Variants in HECTD4 observed in about 807,000 individuals in gnomAD.
The protein encoded by HECTD4 is probable E3 ubiquitin-protein ligase HECTD4.
A neutral mutation model predicts 471.5 loss-of-function variants in HECTD4; 114 were observed. The ratio of observed to expected loss-of-function variants is 0.24; its 90% CI spans 0.21 to 0.28. The LOEUF (loss-of-function observed/expected upper bound fraction) is 0.28, where lower values mean the gene tolerates loss of function less well. HECTD4 is among the 10% of genes least tolerant of loss of function. HECTD4 has a pLI of 1.00. For missense variants in HECTD4, 3,866 were observed against 5,651.5 expected (o/e 0.68, Z 10.13); for synonymous variants, 2,012 against 2,256.0 (o/e 0.89, Z 3.07).
At chr12:112,272,241 G>C (rs1433189646) in intron 11 of HECTD4, among the ~76,000 whole-genome samples, 1 of 152,078 alleles carries the variant, frequency 6.6e-6, no homozygotes, top group African/African-American at 2.4e-5. Context: ...GTAGAGATGG[G>C]GTTTCCCCGT....
chr12:112,236,874 A>C, intron 35 of HECTD4, 71 bp downstream of exon 35: 2 of 1,379,242 alleles, frequency 1.5e-6, no homozygotes, highest in Non-Finnish European at 1.9e-6. Flanking sequence ...GACAACCACC[A>C]CCAAAAGAAA....
chr12:112,193,704 A>G lies in HECTD4; in HGVS notation c.8750-30T>C. 1 of 1,582,412 alleles carries G rather than the reference A, an allele frequency of 6.3e-7. No individual in the cohort carries two copies. Among genetic ancestry groups the G allele is most frequent in the Non-Finnish European group, 8.6e-7 (1 of 1,161,586 alleles). On this transcript the variant is annotated intron_variant, in intron 56 of 75. Coordinates refer to ENST00000682272, the MANE Select transcript of HECTD4 (RefSeq NM_001388303.1). This position sits in a 1 kb window ranked among gnomAD's most constrained non-coding sequence, Gnocchi z 5.2. ...GGACGGAAAGGAAACAGAAGTTGAC[A>G]AGAATCAAAGCAGCCAGTAGCTGTG... is the stretch of plus-strand genomic sequence containing the variant.
In HECTD4 at chr12:112,274,930, G is replaced by A. The variant is rs942181545; in HGVS notation, c.1718C>T (p.Ser573Leu). 5.2e-6 allele frequency: 8 copies of A among 1,549,654 alleles called. No individual in the cohort carries two copies. Among genetic ancestry groups the A allele is most frequent in the African/African-American group, 4.1e-5 (3 of 73,008 alleles). ...TGCACGACTTGTAAACTGACCATCC[G>A]AAATATTATACACCAAGCTGGAGGC... ...ILASSLVYNI[S>L]DGQFTSRADL... Residue 573 changes from serine to leucine, a missense_variant, in exon 10 of 76, where the codon TCG (serine) becomes TTG (leucine). Ser to Leu is a moderately radical substitution (Grantham distance 145). This residue lies in a region of HECTD4 where 525 missense variants were observed against 672.6 expected (regional missense o/e 0.78). Transcript: ENST00000682272.
rs2036888033 is a variant in HECTD4, at chr12:112,381,511, G to A, written c.177+441C>T. Among the ~76,000 whole-genome samples the A allele has an allele frequency of 6.6e-6, 1 of 152,166 alleles. No individual in the cohort carries two copies. The highest frequency in any genetic ancestry group is 2.1e-4 in the South Asian group (1 of 4,834). On this transcript the variant is annotated intron_variant, in intron 1 of 75. Coordinates refer to ENST00000682272, the MANE Select transcript of HECTD4 (RefSeq NM_001388303.1). The surrounding 1 kb of genome is among the most constrained non-coding windows in gnomAD (Gnocchi z 4.1). ...ACCAAACAAAAAAAACAGAACTAGG[G>A]AAGAAAAGGATGGGAGGGTACACAG... is the stretch of plus-strand genomic sequence containing the variant.
intron 27 of HECTD4, 52 bp from the exon 28 acceptor site, chr12:112,247,602 T>A: frequency 1.2e-6 from 1 of 804,708 alleles, no homozygotes; most frequent in East Asian, 3.0e-5. Flanking sequence ...AGTTTTACTA[T>A]ACATATATTA....
chr12:112,319,700 G>A lies in HECTD4; in HGVS notation c.220C>T (p.Arg74Cys). Reference protein sequence around the residue: ...ETKNPSELAERLRSVCGNQSN... With the variant: ...ETKNPSELAECLRSVCGNQSN... Reference sequence around the variant, plus strand: ...TGATTCCCACAAACAGAGCGCAAACGTTCTGCTAATTCCGACGGGTTCTTG... The same window carrying A: ...TGATTCCCACAAACAGAGCGCAAACATTCTGCTAATTCCGACGGGTTCTTG... Residue 74 changes from arginine to cysteine, a missense_variant, in exon 2 of 76, where the codon CGT (arginine) becomes TGT (cysteine). Physicochemically the swap from Arg to Cys is radical, Grantham distance 180. Transcript: ENST00000682272. The surrounding 1 kb of genome is among the most constrained non-coding windows in gnomAD (Gnocchi z 5.3). 7.9e-7 allele frequency: 1 copy of A among 1,265,434 alleles called. No individual in the cohort carries two copies. The highest frequency in any genetic ancestry group is 9.9e-7 in the Non-Finnish European group (1 of 1,007,188). 78.4% of individuals were successfully genotyped at this position (1,265,434 alleles called of 1,614,324 possible). A position where few individuals can be genotyped will look rare whatever the true frequency, so the allele number is the denominator to read the frequency against.
chr12:112,224,695 A>G (rs535336752), intron 44 of HECTD4, among the ~76,000 whole-genome samples: 8 of 152,356 alleles, frequency 5.3e-5, no homozygotes, highest in African/African-American at 1.9e-4. Flanking sequence ...TTGTTACCAC[A>G]AAGTGGTTTT....
In HECTD4 at chr12:112,256,384, G is replaced by A. The variant is rs1458446439; in HGVS notation, c.3263C>T (p.Pro1088Leu). The stretch of plus-strand genomic sequence containing the variant: ...TCTAAGGTACAGGCAGCGAGCTCCT[G>A]GGATATGGACCGTTTCTTTAAATTT... ...NYKFKETVHI[P>L]GARCLYLRFD... The change falls in exon 21 of 76, where the codon CCA becomes CTA. Residue 1088 changes from proline to leucine, a missense_variant. Pro to Leu is a moderately conservative substitution (Grantham distance 98, BLOSUM62 -3). Around this residue, in one of 16 missense-constraint regions of HECTD4, gnomAD observed 281 missense variants for 499.9 expected, o/e 0.56. Coordinates refer to ENST00000682272, the MANE Select transcript of HECTD4 (RefSeq NM_001388303.1). 6.2e-7 allele frequency: 1 copy of A among 1,612,378 alleles called. No individual in the cohort carries two copies. Among genetic ancestry groups the A allele is most frequent in the Non-Finnish European group, 8.5e-7 (1 of 1,179,252 alleles).
chr12:112,265,984 C>G lies in HECTD4; in HGVS notation c.2393-1G>C. 6.2e-7 allele frequency: 1 copy of G among 1,608,738 alleles called. No individual in the cohort carries two copies. The highest frequency in any genetic ancestry group is 8.5e-7 in the Non-Finnish European group (1 of 1,175,436). ...TGGGAGAGTCCACTGTTTCTCTCTC[C>G]TAACACAGAAGAAAGCTCCATCAAC... On this transcript the variant is annotated splice_acceptor_variant, in intron 14 of 75. Coordinates refer to ENST00000682272, the MANE Select transcript of HECTD4 (RefSeq NM_001388303.1). LOFTEE classifies it high-confidence loss of function.
intron 66 of HECTD4, 139 bp from the exon 67 acceptor site, chr12:112,173,000 G>C: frequency 1.4e-6 from 1 of 715,624 alleles, no homozygotes; most frequent in Non-Finnish European, 2.4e-6. Flanking sequence ...TTGTTTCTTG[G>C]TGCCTGGACA....
chr12:112,306,669 T>G (rs1364511249), intron 6 of HECTD4, among the ~76,000 whole-genome samples: 7 of 151,882 alleles, frequency 4.6e-5, no homozygotes, highest in Non-Finnish European at 8.8e-5. Context: ...CACCTCTATA[T>G]CTCCAGTACC....
At chr12:112,318,721 T>C (rs2135699273) in intron 2 of HECTD4, among the ~76,000 whole-genome samples, 1 of 152,338 alleles carries the variant, frequency 6.6e-6, no homozygotes, top group South Asian at 2.1e-4. Flanking sequence ...ATCTTCCAAT[T>C]AAATTGATCA....
chr12:112,353,929 G>A (rs2036288702), intron 1 of HECTD4, among the ~76,000 whole-genome samples: 1 of 152,078 alleles, frequency 6.6e-6, no homozygotes, highest in Non-Finnish European at 1.5e-5. Context: ...GTGGTTTTTA[G>A]CCAGCACAGT....
intron 6 of HECTD4, 140 bp from the exon 7 acceptor site, chr12:112,306,374 T>A: frequency 1.5e-6 from 1 of 672,366 alleles, no homozygotes; most frequent in Non-Finnish European, 2.1e-6. Context: ...TATTTATCTC[T>A]AATAATAACA....
At chr12:112,231,075 A>G (rs1388682034) in intron 39 of HECTD4, 1 of 497,048 alleles carries the variant, frequency 2.0e-6, no homozygotes, top group African/African-American at 1.9e-5. Flanking sequence ...GATCAGGGAA[A>G]GACACTGCAT....
intron 1 of HECTD4, among the ~76,000 whole-genome samples, chr12:112,320,682 C>G (rs926953013): frequency 2.6e-5 from 4 of 151,638 alleles, no homozygotes; most frequent in Non-Finnish European, 4.4e-5. Context: ...GCCTGGGTGA[C>G]AGAGTGAGAC....
At chr12:112,328,981 T>G (rs1208020491) in intron 1 of HECTD4, among the ~76,000 whole-genome samples, 1 of 152,220 alleles carries the variant, frequency 6.6e-6, no homozygotes, top group Non-Finnish European at 1.5e-5. Flanking sequence ...ACAGCAGGAT[T>G]GTCAGAATTG....
At chr12:112,355,769 CAATAAAAATAAA>C (rs750283566) in intron 1 of HECTD4, among the ~76,000 whole-genome samples, 1 of 151,732 alleles carries the variant, frequency 6.6e-6, no homozygotes, top group Non-Finnish European at 1.5e-5. Context: ...CTCAAAAAAA[CAATAAAAATAAA>C]AATAAAAATA....
At chr12:112,233,213 G>GTTT in intron 37 of HECTD4, 128 bp from the exon 38 acceptor site, 2 of 336,144 alleles carry the variant, frequency 5.9e-6, no homozygotes, top group South Asian at 3.9e-5. Flanking sequence ...ACTAACATTA[G>GTTT]CTTTTTTTTT....
Sources: allele counts gnomAD v4.1 joint callset (sites outside exome capture counted in the v4.1 genomes callset), GRCh38; gene constraint gnomAD v4.1.1; regional missense constraint gnomAD v4.1.1; non-coding constraint Gnocchi (gnomAD v3.1); transcripts MANE v1.5; gene names NCBI Gene and HGNC (gene_info 2026-07-23, HGNC 2026-07-21).